GRIP1: variants seen among roughly 807,000 people sequenced by gnomAD.
GRIP1 encodes the protein glutamate receptor interacting protein 1.
A neutral mutation model predicts 129.9 loss-of-function variants in GRIP1; 45 were observed. That is an observed-to-expected ratio of 0.35 (90% CI 0.27 to 0.44). The LOEUF (loss-of-function observed/expected upper bound fraction) is 0.44. GRIP1 is among the 20% of genes least tolerant of loss of function. The pLI is 1.00. For missense variants in GRIP1, 1,196 were observed against 1,396.8 expected (o/e 0.86, Z 2.29); for synonymous variants, 530 against 520.8 (o/e 1.02, Z -0.24).
intron 1 of GRIP1, among the ~76,000 whole-genome samples, chr12:66,876,076 T>C (rs943720510): frequency 3.3e-5 from 5 of 152,062 alleles, no homozygotes; most frequent in African/African-American, 4.8e-5. Flanking sequence ...ATTTAAATTT[T>C]AGTATTAGAC....
At chr12:66,539,722 A>C (rs1288937447) in intron 3 of GRIP1, among the ~76,000 whole-genome samples, 1 of 152,036 alleles carries the variant, frequency 6.6e-6, no homozygotes, top group Non-Finnish European at 1.5e-5. Flanking sequence ...TTTGTCCAGG[A>C]CTAAGGAAAG....
intron 2 of GRIP1, among the ~76,000 whole-genome samples, chr12:66,545,970 CAT>C (rs1451320931): frequency 2.0e-5 from 3 of 152,108 alleles, no homozygotes; most frequent in African/African-American, 2.4e-5. Flanking sequence ...GAGAGACAAA[CAT>C]GTGCATGGAC....
chr12:66,979,239 A>ACAAAC (rs1566104028), intron 1 of GRIP1, among the ~76,000 whole-genome samples: 1 of 145,724 alleles, frequency 6.9e-6, no homozygotes, highest in African/African-American at 2.5e-5. Context: ...AAAAAAAAAA[A>ACAAAC]AAAAAAAAAA....
intron 1 of GRIP1, among the ~76,000 whole-genome samples, chr12:66,730,714 A>AAC (rs2036408610): frequency 6.6e-6 from 1 of 151,720 alleles, no homozygotes; most frequent in African/African-American, 2.4e-5. Flanking sequence ...AAAAAAAAAA[A>AAC]AAAAAAACTC....
At chr12:67,031,006 C>T (rs1488471885) in intron 1 of GRIP1, among the ~76,000 whole-genome samples, 2 of 151,988 alleles carry the variant, frequency 1.3e-5, no homozygotes, top group Non-Finnish European at 2.9e-5. Flanking sequence ...TATATAACCG[C>T]TCACCTCACG....
intron 1 of GRIP1, among the ~76,000 whole-genome samples, chr12:66,844,072 C>T (rs1274826201): frequency 6.6e-6 from 1 of 152,028 alleles, no homozygotes; most frequent in Admixed American, 6.6e-5. Flanking sequence ...GGGGTTAATA[C>T]CCAGAATATA....
At chr12:66,424,156 T>G (rs775691309) in intron 14 of GRIP1, among the ~76,000 whole-genome samples, 3 of 152,216 alleles carry the variant, frequency 2.0e-5, no homozygotes, top group Non-Finnish European at 4.4e-5. Flanking sequence ...ACAGCTCTTC[T>G]GCAATCCAGC....
intron 16 of GRIP1, among the ~76,000 whole-genome samples, chr12:66,397,568 G>A (rs1269131780): frequency 6.6e-6 from 1 of 151,508 alleles, no homozygotes; most frequent in Non-Finnish European, 1.5e-5. Flanking sequence ...TAAAAAAACA[G>A]TTGGTTTTAA....
intron 1 of GRIP1, among the ~76,000 whole-genome samples, chr12:66,924,782 AC>A (rs2041269403): frequency 6.6e-6 from 1 of 152,116 alleles, no homozygotes; most frequent in Admixed American, 6.5e-5. Context: ...CCTGGCTAAC[AC>A]GGTGAAACCC....
At position 66,565,038 on chromosome 12, in the gene GRIP1, G is replaced by A. The variant is rs1354725466; in HGVS notation, c.137-23088C>T. Among the ~76,000 whole-genome samples the A allele has an allele frequency of 2.0e-5, 3 of 152,178 alleles. No homozygotes were observed. The East Asian group carries it at 5.8e-4, about 29-fold the overall frequency. ...CTGGATATTAGCCCTTTGTCAGATG[G>A]GTAGATTGCAAAAATTTTCCCCCAT... On this transcript the variant is annotated intron_variant, in intron 2 of 24. Coordinates refer to ENST00000359742, the MANE Select transcript of GRIP1 (RefSeq NM_001366722.1).
intron 1 of GRIP1, among the ~76,000 whole-genome samples, chr12:66,742,477 G>A (rs752488089): frequency 2.0e-5 from 3 of 152,110 alleles, no homozygotes; most frequent in Non-Finnish European, 4.4e-5. Context: ...ACAGGAAGGT[G>A]ATTATAAAGT....
At chr12:66,359,284 T>C (rs114295834) in intron 23 of GRIP1, among the ~76,000 whole-genome samples, 2,021 of 152,328 alleles carry the variant, frequency 0.013, 54 homozygotes, top group African/African-American at 0.046. Context: ...GAGGCATGTT[T>C]TCCAACATAG....
chr12:66,994,524 T>C (rs1156470310), intron 1 of GRIP1, among the ~76,000 whole-genome samples: 2 of 151,416 alleles, frequency 1.3e-5, no homozygotes, highest in Non-Finnish European at 2.9e-5. Context: ...AACTCATAGC[T>C]AACATCATAC....
chr12:66,617,536 G>A (rs1395154914), intron 1 of GRIP1, among the ~76,000 whole-genome samples: 1 of 151,870 alleles, frequency 6.6e-6, no homozygotes, highest in Non-Finnish European at 1.5e-5. Flanking sequence ...AAAGAAAGTG[G>A]AAGTTCCAGG....
At chr12:67,064,438 C>G (rs1428269067) in intron 1 of GRIP1, among the ~76,000 whole-genome samples, 7 of 152,148 alleles carry the variant, frequency 4.6e-5, no homozygotes, top group Non-Finnish European at 4.4e-5. Flanking sequence ...CTCTCTGAAC[C>G]TCAGTTTCCC....
At chr12:66,440,063 C>T (rs1302838698) in intron 13 of GRIP1, among the ~76,000 whole-genome samples, 2 of 152,232 alleles carry the variant, frequency 1.3e-5, no homozygotes, top group Non-Finnish European at 2.9e-5. Context: ...ACCCTCGAAG[C>T]TGCTGATCTT....
upstream of GRIP1, chr12:66,679,164 G>A: frequency 7.2e-7 from 1 of 1,387,982 alleles, no homozygotes; most frequent in Non-Finnish European, 9.4e-7. Flanking sequence ...AGAAAGTAAT[G>A]CCGTTTCGAT....
At chr12:67,066,769 T>C (rs1330845790) in intron 1 of GRIP1, among the ~76,000 whole-genome samples, 2 of 151,688 alleles carry the variant, frequency 1.3e-5, no homozygotes, top group Non-Finnish European at 2.9e-5. Context: ...GAAATACAAA[T>C]AGAAAACATC....
At chr12:66,953,186 T>C (rs577433393) in intron 1 of GRIP1, among the ~76,000 whole-genome samples, 3 of 152,342 alleles carry the variant, frequency 2.0e-5, no homozygotes, top group South Asian at 2.1e-4. Context: ...TCAATATTTA[T>C]TGAGTGTCTA....
Sources: gnomAD v4.1 joint callset for allele counts (sites outside exome capture counted in the v4.1 genomes callset) on GRCh38, gnomAD v4.1.1 for gene constraint, MANE v1.5 for transcripts, NCBI Gene and HGNC (gene_info 2026-07-23, HGNC 2026-07-21) for gene names.